Variants in RBMS3 observed in about 807,000 individuals in gnomAD.
RBMS3 encodes RNA binding motif single stranded interacting protein 3.
In RBMS3, 27 loss-of-function variants were observed where a neutral mutation model predicts 66.8. The observed-to-expected ratio is 0.40, with a 90% CI of 0.30 to 0.56. The LOEUF is 0.56. RBMS3 is among the 20% of genes least tolerant of loss of function. The pLI, the probability that RBMS3 is intolerant of heterozygous loss-of-function variation, is 0.40. For synonymous variants in RBMS3, 188 were observed against 183.0 expected (o/e 1.03, Z -0.22); for missense variants, 513 against 549.5 (o/e 0.93, Z 0.66).
At chr3:29,492,807 C>G (rs931902270) in intron 3 of RBMS3, among the ~76,000 whole-genome samples, 1 of 152,130 alleles carries the variant, frequency 6.6e-6, no homozygotes, top group Non-Finnish European at 1.5e-5. Flanking sequence ...TGATGGGAAA[C>G]ATGCAAATTA....
chr3:29,910,854 G>A (rs1193202434), intron 10 of RBMS3, among the ~76,000 whole-genome samples: 6 of 151,902 alleles, frequency 3.9e-5, no homozygotes, highest in African/African-American at 7.3e-5. Flanking sequence ...ATGGAGTTTA[G>A]AGTTAGATTT....
intron 4 of RBMS3, among the ~76,000 whole-genome samples, chr3:29,637,148 G>A (rs1280625927): frequency 6.6e-6 from 1 of 151,828 alleles, no homozygotes; most frequent in African/African-American, 2.4e-5. Context: ...TTGCTCATTT[G>A]TGAGTTTATT....
In RBMS3 at chr3:29,397,392, T is replaced by C. The variant is rs115165948; in HGVS notation, c.76-37351T>C. 9.5e-3 allele frequency among the ~76,000 whole-genome samples: 1,448 copies of C among 152,306 alleles called. 27 individuals are homozygous for C. Among genetic ancestry groups the C allele is most frequent in the African/African-American group, 0.033 (1,372 of 41,570 alleles). On this transcript the variant is annotated intron_variant, in intron 1 of 14. Transcript: ENST00000383767. ...TTCCTTAAAGTTCCAAGGTTCTTTATGTAAATTCACATCAATTAGTTCTTA... is the reference window on the plus strand; with the variant it reads ...TTCCTTAAAGTTCCAAGGTTCTTTACGTAAATTCACATCAATTAGTTCTTA...
intron 5 of RBMS3, among the ~76,000 whole-genome samples, chr3:29,750,795 A>T (rs1332410871): frequency 6.6e-6 from 1 of 152,170 alleles, no homozygotes; most frequent in African/African-American, 2.4e-5. Context: ...TTCCTATATG[A>T]TTTTAACATA....
intron 3 of RBMS3, among the ~76,000 whole-genome samples, chr3:29,538,854 T>G (rs2045663699): frequency 6.6e-6 from 1 of 152,180 alleles, no homozygotes. Context: ...CATTCCGTGA[T>G]TTTTTTATTT....
At chr3:29,435,512 A>G (rs1473960647) in intron 2 of RBMS3, among the ~76,000 whole-genome samples, 1 of 152,254 alleles carries the variant, frequency 6.6e-6, no homozygotes, top group Non-Finnish European at 1.5e-5. Flanking sequence ...AAGCTTGGAA[A>G]TGATTAAATC....
At chr3:29,606,224 T>C (rs1328581987) in intron 4 of RBMS3, among the ~76,000 whole-genome samples, 4 of 151,934 alleles carry the variant, frequency 2.6e-5, no homozygotes, top group African/African-American at 9.7e-5. Flanking sequence ...AGTGGTGTAA[T>C]AACAATCCCT....
At chr3:29,530,838 C>T (rs1254142782) in intron 3 of RBMS3, among the ~76,000 whole-genome samples, 1 of 151,218 alleles carries the variant, frequency 6.6e-6, no homozygotes, top group Admixed American at 6.6e-5. Flanking sequence ...CGCCACTACA[C>T]TCCAGCCTGG....
intron 6 of RBMS3, among the ~76,000 whole-genome samples, chr3:29,765,067 A>G (rs2055864674): frequency 1.3e-5 from 2 of 152,062 alleles, no homozygotes; most frequent in Admixed American, 6.6e-5. Context: ...TGAAAGTTAG[A>G]GTTGAATAAA....
intron 12 of RBMS3, among the ~76,000 whole-genome samples, chr3:29,944,689 C>A (rs1695175248): frequency 6.6e-6 from 1 of 151,614 alleles, no homozygotes; most frequent in Non-Finnish European, 1.5e-5. Context: ...GAAAATCATC[C>A]CATTTGCTTG....
At chr3:29,873,178 C>G (rs1259984853) in intron 7 of RBMS3, among the ~76,000 whole-genome samples, 3 of 152,010 alleles carry the variant, frequency 2.0e-5, no homozygotes, top group Non-Finnish European at 4.4e-5. Flanking sequence ...TTGCTTTGGG[C>G]AGTATGACCA....
intron 12 of RBMS3, among the ~76,000 whole-genome samples, chr3:29,980,998 T>C (rs529238525): frequency 6.6e-6 from 1 of 152,352 alleles, no homozygotes; most frequent in Admixed American, 6.5e-5. Context: ...GGGAATAGCA[T>C]TGAATCTATA....
chr3:29,694,251 C>CT (rs1267676236), intron 4 of RBMS3, among the ~76,000 whole-genome samples: 1 of 152,110 alleles, frequency 6.6e-6, no homozygotes, highest in Admixed American at 6.5e-5. Flanking sequence ...ATTATGTCAT[C>CT]TTTTTGTCAC....
At chr3:29,782,784 G>A (rs951022896) in intron 6 of RBMS3, among the ~76,000 whole-genome samples, 3 of 152,136 alleles carry the variant, frequency 2.0e-5, no homozygotes, top group East Asian at 1.9e-4. Context: ...TCAAAAACAC[G>A]TTACAGGATA....
chr3:29,617,046 T>C (rs561840059), intron 4 of RBMS3: 26 of 152,142 alleles, frequency 1.7e-4, no homozygotes, highest in African/African-American at 6.3e-4. Flanking sequence ...CATCACTAAA[T>C]GAATGAAAAG....
At chr3:29,393,323 A>C (rs774685214) in intron 1 of RBMS3, among the ~76,000 whole-genome samples, 1 of 152,256 alleles carries the variant, frequency 6.6e-6, no homozygotes, top group African/African-American at 2.4e-5. Flanking sequence ...ATAATGTATT[A>C]AAGAAAAGGA....
intron 1 of RBMS3, among the ~76,000 whole-genome samples, chr3:29,360,937 G>A (rs1016948846): frequency 6.6e-6 from 1 of 151,936 alleles, no homozygotes; most frequent in Non-Finnish European, 1.5e-5. Context: ...GAGCCTATGT[G>A]TGTCTCTGCA....
At chr3:29,899,959 A>T (rs946251984) in intron 10 of RBMS3, among the ~76,000 whole-genome samples, 3 of 151,608 alleles carry the variant, frequency 2.0e-5, no homozygotes, top group African/African-American at 7.3e-5. Context: ...ATAGAATCAG[A>T]TAAAGAGAGA....
intron 4 of RBMS3, among the ~76,000 whole-genome samples, chr3:29,695,131 T>A (rs1436505870): frequency 1.3e-5 from 2 of 152,170 alleles, no homozygotes; most frequent in Non-Finnish European, 2.9e-5. Context: ...GGAGTTTTAC[T>A]CTTACTACTA....
Sources: gnomAD v4.1 joint callset for allele counts (sites outside exome capture counted in the v4.1 genomes callset) on GRCh38, gnomAD v4.1.1 for gene constraint, MANE v1.5 for transcripts, NCBI Gene and HGNC (gene_info 2026-07-23, HGNC 2026-07-21) for gene names.